The following PKIB variants were observed in gnomAD, a reference collection of about 807,000 sequenced individuals.
The protein encoded by PKIB is PKI-beta.
Under a neutral mutation model 4.5 loss-of-function variants are expected in PKIB, and 2 were observed. The ratio of observed to expected loss-of-function variants is 0.44; its 90% CI spans 0.18 to 1.39. The LOEUF (loss-of-function observed/expected upper bound fraction) is 1.39. Ranked by LOEUF, PKIB falls within the 40% of genes most tolerant of loss-of-function variation. The pLI is 0.27. For missense variants in PKIB, 94 were observed against 92.6 expected (o/e 1.02, Z -0.06); for synonymous variants, 38 against 36.0 (o/e 1.06, Z -0.20).
intron 1 of PKIB, among the ~76,000 whole-genome samples, chr6:122,617,994 C>T (rs954990259): frequency 6.6e-5 from 10 of 151,832 alleles, no homozygotes; most frequent in Non-Finnish European, 1.2e-4. Flanking sequence ...TGAGTAGAAA[C>T]AGAAAATTAA....
intron 2 of PKIB, among the ~76,000 whole-genome samples, chr6:122,560,672 CT>C (rs1772986815): frequency 6.6e-6 from 1 of 151,688 alleles, no homozygotes; most frequent in South Asian, 2.1e-4. Context: ...TGGTCCTGCA[CT>C]TTTTTTTGTT....
chr6:122,596,136 G>T (rs1774169240), intron 3 of PKIB, among the ~76,000 whole-genome samples: 1 of 152,214 alleles, frequency 6.6e-6, no homozygotes, highest in African/African-American at 2.4e-5. Flanking sequence ...ACAACCAGGT[G>T]CACTGCTCGA....
chr6:122,538,259 T>C (rs1235413592), intron 2 of PKIB, among the ~76,000 whole-genome samples: 1 of 152,152 alleles, frequency 6.6e-6, no homozygotes, highest in Non-Finnish European at 1.5e-5. Context: ...TGCCCATGCC[T>C]ATGTCCTGAA....
chr6:122,630,381 A>C lies in PKIB; in HGVS notation c.-160-2902A>C, dbSNP rs1379288202. Among the ~76,000 whole-genome samples the C allele has an allele frequency of 3.3e-5, 5 of 152,310 alleles. No individual in the cohort carries two copies. The East Asian group carries it at 7.7e-4, about 24-fold the overall frequency. ...CCTAAAAAAGGAAAGAAATTCTGGC[A>C]CTTGCTGCCACATAGATAAACTTTG... On this transcript the variant is annotated intron_variant, in intron 1 of 4. Coordinates refer to ENST00000368452, the MANE Select transcript of PKIB (RefSeq NM_181795.3).
At chr6:122,608,281 C>T (rs966739158), upstream of PKIB, among the ~76,000 whole-genome samples, 1 of 152,178 alleles carries the variant, frequency 6.6e-6, no homozygotes, top group African/African-American at 2.4e-5. Flanking sequence ...AGTATCCAAG[C>T]TTGCTCCTTG....
At chr6:122,718,154 C>T (rs1485098593) in intron 4 of PKIB, among the ~76,000 whole-genome samples, 191 bp downstream of exon 4, 1 of 152,032 alleles carries the variant, frequency 6.6e-6, no homozygotes, top group Non-Finnish European at 1.5e-5. Flanking sequence ...CATCTTTTTT[C>T]TTATGCTGTG....
At chr6:122,601,779 A>T (rs1774375711) in intron 3 of PKIB, among the ~76,000 whole-genome samples, 1 of 152,174 alleles carries the variant, frequency 6.6e-6, no homozygotes, top group Non-Finnish European at 1.5e-5. Context: ...ATAACATACA[A>T]AACTGTGTTA....
Position 122,725,185 on chromosome 6 carries a change from A to G in PKIB, c.227A>G (p.Glu76Gly). The G allele has an allele frequency of 6.2e-7, 1 of 1,610,748 alleles. No individual in the cohort carries two copies. The change falls in exon 5 of 5, where the codon GAA (glutamate) becomes GGA (glycine). Residue 76 changes from glutamate to glycine, a missense_variant. Transcript: ENST00000368452. ...TQDQLEKPQNEEK is the reference protein window; with the variant it reads ...TQDQLEKPQNGEK ...GACCAATTGGAAAAGCCTCAAAATG[A>G]AGAAAAATGAAGGCTCATAATCTAT...
chr6:122,596,943 GT>G (rs1774198768), intron 3 of PKIB, among the ~76,000 whole-genome samples: 1 of 152,158 alleles, frequency 6.6e-6, no homozygotes, highest in Admixed American at 6.5e-5. Flanking sequence ...TGAGGAATGT[GT>G]TACTTTCAAA....
At chr6:122,486,173 C>T (rs2039784) in intron 2 of PKIB, among the ~76,000 whole-genome samples, 20,420 of 152,006 alleles carry the variant, frequency 0.13, 1,497 homozygotes, top group East Asian at 0.26. Context: ...CATCACTGTC[C>T]CTATTAAACT....
intron 2 of PKIB, among the ~76,000 whole-genome samples, chr6:122,540,323 T>C (rs1777554165): frequency 6.6e-6 from 1 of 152,024 alleles, no homozygotes; most frequent in Non-Finnish European, 1.5e-5. Context: ...CATTTAGTGC[T>C]ATAAATTTCC....
chr6:122,638,000 T>C (rs1324303475), intron 2 of PKIB, among the ~76,000 whole-genome samples: 7 of 152,166 alleles, frequency 4.6e-5, no homozygotes, highest in Admixed American at 4.6e-4. Context: ...TAAAATAACA[T>C]GTTAAAATAA....
At chr6:122,496,651 T>C (rs1309405193) in intron 2 of PKIB, among the ~76,000 whole-genome samples, 1 of 152,142 alleles carries the variant, frequency 6.6e-6, no homozygotes, top group Non-Finnish European at 1.5e-5. Flanking sequence ...AAAACTATTC[T>C]TTTAAACTAA....
intron 2 of PKIB, among the ~76,000 whole-genome samples, chr6:122,497,826 A>G (rs1222978826): frequency 6.6e-6 from 1 of 152,130 alleles, no homozygotes; most frequent in Admixed American, 6.6e-5. Flanking sequence ...CTAATAAGAA[A>G]GTCTGGGCTT....
At chr6:122,707,854 C>T (rs148050630) in intron 3 of PKIB, among the ~76,000 whole-genome samples, 1 of 152,236 alleles carries the variant, frequency 6.6e-6, no homozygotes, top group African/African-American at 2.4e-5. Context: ...ATTACAACAG[C>T]ACTGTTACTG....
chr6:122,652,382 G>C lies in PKIB; in HGVS notation c.-76+19015G>C, dbSNP rs193114890. 4.6e-5 allele frequency among the ~76,000 whole-genome samples: 7 copies of C among 151,308 alleles called. No homozygotes were observed. In the East Asian group the frequency reaches 1.4e-3, roughly 30 times the overall value. On this transcript the variant is annotated intron_variant, in intron 2 of 4. Transcript: ENST00000368452. ...AGAATTGATTTATGTGATTATGGAG[G>C]CTGGCTGGGCAAGTCCAAAATCTTT...
At chr6:122,586,511 A>G (rs1773852511) in intron 3 of PKIB, among the ~76,000 whole-genome samples, 1 of 152,158 alleles carries the variant, frequency 6.6e-6, no homozygotes, top group African/African-American at 2.4e-5. Context: ...GTTTAAATAA[A>G]TGAAGAGAAT....
In PKIB at chr6:122,545,614, G is replaced by A. The variant is rs911567590; in HGVS notation, c.-247-40307G>A. 2.0e-5 allele frequency among the ~76,000 whole-genome samples: 3 copies of A among 151,036 alleles called. No individual in the cohort carries two copies. In the South Asian group the frequency reaches 6.3e-4, roughly 32 times the overall value. ...CTCCCACCCTTCACCCACAAATAGG[G>A]CCTGGTGTCTGTTGTTCCCTTCTTT... On this transcript the variant is annotated intron_variant, in intron 2 of 6. Coordinates refer to the PKIB transcript ENST00000392491.
chr6:122,676,736 A>T (rs2815595), intron 3 of PKIB, among the ~76,000 whole-genome samples: 53,662 of 152,038 alleles, frequency 0.35, 10,152 homozygotes, highest in South Asian at 0.61. Flanking sequence ...ATATATTTCT[A>T]TCTTGCTTCA....
Sources: allele counts gnomAD v4.1 joint callset (sites outside exome capture counted in the v4.1 genomes callset), GRCh38; gene constraint gnomAD v4.1.1; transcripts MANE v1.5; gene names NCBI Gene and HGNC (gene_info 2026-07-23, HGNC 2026-07-21).